Variants in CIZ1 observed in about 807,000 individuals in gnomAD.
The protein encoded by CIZ1 is CDKN1A interacting zinc finger protein 1, also known as cip1-interacting zinc finger protein.
In CIZ1, 58 loss-of-function variants were observed where a neutral mutation model predicts 118.6. The ratio of observed to expected loss-of-function variants is 0.49; its 90% CI spans 0.40 to 0.61. The LOEUF (loss-of-function observed/expected upper bound fraction) is 0.61. CIZ1 is among the 20% of genes least tolerant of loss of function. The pLI, the probability that CIZ1 is intolerant of heterozygous loss-of-function variation, is 0.00. For synonymous variants in CIZ1, 448 were observed against 443.4 expected, an observed-to-expected ratio of 1.01 and a Z score of -0.13; for missense variants, 921 against 1,115.9, an observed-to-expected ratio of 0.83 and a Z score of 2.49.
At chr9:128,169,238 T>C (rs777974558) in intron 13 of CIZ1, 37 bp from the exon 14 acceptor site, 1 of 1,607,868 alleles carries the variant, frequency 6.2e-7, no homozygotes, top group East Asian at 2.2e-5. Context: ...AGGTCAGCTC[T>C]GAACAGCCAG....
chr9:128,198,229 G>GCCCTTGTCCCATGTTCCTGGTC (rs1833424959), intron 1 of CIZ1: 1 of 152,352 alleles, frequency 6.6e-6, no homozygotes, highest in African/African-American at 2.4e-5. Flanking sequence ...TGTGCCAGGT[G>GCCCTTGTCCCATGTTCCTGGTC]CCCTTGTCCC....
chr9:128,188,226 GAT>G, intron 3 of CIZ1, among the ~76,000 whole-genome samples: 1 of 151,542 alleles, frequency 6.6e-6, no homozygotes, highest in South Asian at 2.1e-4. Flanking sequence ...TAACACAGAT[GAT>G]CAAATCCTAT....
At chr9:128,180,873 GC>G in intron 5 of CIZ1, 59 bp from the exon 6 acceptor site, 1 of 1,279,322 alleles carries the variant, frequency 7.8e-7, no homozygotes, top group Non-Finnish European at 1.1e-6. Context: ...ATACCCCCTT[GC>G]CCAAGGGCAG....
intron 11 of CIZ1, 150 bp downstream of exon 11, chr9:128,176,201 G>C: frequency 1.1e-6 from 1 of 913,718 alleles, no homozygotes; most frequent in Non-Finnish European, 1.7e-6. Flanking sequence ...GGAAAACTGA[G>C]GTTCAAGGTC....
intron 1 of CIZ1, among the ~76,000 whole-genome samples, chr9:128,202,051 T>G (rs749887054): frequency 1.3e-5 from 2 of 152,268 alleles, no homozygotes; most frequent in Non-Finnish European, 1.5e-5. Context: ...ATTGTCTGTC[T>G]TTTTCCACTG....
At chr9:128,169,263 C>T in intron 13 of CIZ1, 62 bp from the exon 14 acceptor site, 1 of 1,020,780 alleles carries the variant, frequency 9.8e-7, no homozygotes, top group Non-Finnish European at 1.4e-6. Flanking sequence ...CCATGCCCTA[C>T]CCACCCCACC....
chr9:128,168,342 C>T lies in CIZ1; in HGVS notation c.2295+710G>A, dbSNP rs1426917316. On this transcript the variant is annotated intron_variant, in intron 14 of 16. Coordinates refer to ENST00000372938, the MANE Select transcript of CIZ1 (RefSeq NM_001131016.2). ...ACCAGCCTGGCCAATATGGTGAAAC[C>T]CCGTCTCTACTAAAAATACAAAAAT... Among the ~76,000 whole-genome samples, 7 of 152,112 alleles carry T rather than the reference C, an allele frequency of 4.6e-5. No individual in the cohort carries two copies. The South Asian group carries it at 1.2e-3, about 27-fold the overall frequency.
chr9:128,178,612 G>C (rs1451959587), intron 8 of CIZ1, 97 bp downstream of exon 8: 1 of 1,581,670 alleles, frequency 6.3e-7, no homozygotes, highest in Non-Finnish European at 8.6e-7. Flanking sequence ...TCCAGGCCTA[G>C]CCCTCAGTCC....
intron 15 of CIZ1, 49 bp downstream of exon 15, chr9:128,167,046 G>A (rs1341355721): frequency 6.3e-7 from 1 of 1,578,038 alleles, no homozygotes; most frequent in South Asian, 1.1e-5. Flanking sequence ...GTGGAGGCTG[G>A]GCCCAAGGGC....
At chr9:128,186,939 CTTTT>C (rs549888043) in intron 4 of CIZ1, among the ~76,000 whole-genome samples, 3 of 134,470 alleles carry the variant, frequency 2.2e-5, no homozygotes, top group South Asian at 2.3e-4. Flanking sequence ...TCCTTGTCTG[CTTTT>C]TTTTTTTTTT....
rs371523069 is a variant in CIZ1 at position 128,170,127 on chromosome 9, G to T, written c.1944-20C>A. The T allele has an allele frequency of 4.4e-6, 7 of 1,606,336 alleles. No homozygotes were observed. Among genetic ancestry groups the T allele is most frequent in the Non-Finnish European group, 6.0e-6 (7 of 1,173,566 alleles). ...GGCTCCCTGAATGACAACAGTCAAA[G>T]CAAGTACAATGTGACGCCAGAAAGA... On this transcript the variant is annotated intron_variant, in intron 11 of 16. Transcript: ENST00000372938.
rs117653271 is a variant in CIZ1, at chr9:128,174,605, T to C, written c.1943+1746A>G. Among the ~76,000 whole-genome samples, 1,396 of 152,238 alleles carry C rather than the reference T, an allele frequency of 9.2e-3. 5 individuals carry two copies. Among genetic ancestry groups the C allele is most frequent in the Non-Finnish European group, 0.013 (897 of 68,020 alleles). On this transcript the variant is annotated intron_variant, in intron 11 of 16. Coordinates refer to ENST00000372938, the MANE Select transcript of CIZ1 (RefSeq NM_001131016.2). ...GATGCAGGAAGACAGTATTGATGTC[T>C]TTGTGTTGGGGACCAAGGTGAGGGG...
At chr9:128,194,502 T>C (rs1833328498), upstream of CIZ1, among the ~76,000 whole-genome samples, 2 of 152,052 alleles carry the variant, frequency 1.3e-5, no homozygotes, top group Non-Finnish European at 1.5e-5. Flanking sequence ...AATATTTATA[T>C]ATTTTTTCTT....
chr9:128,177,868 T>C lies in CIZ1; in HGVS notation c.1621-105A>G, dbSNP rs45567837. ...TTGTCTCATCAGATCTTCCTGATGA[T>C]AGGGAAACTGAGGCTCTGAGCTGTT... On this transcript the variant is annotated intron_variant, in intron 9 of 16. Coordinates refer to ENST00000372938, the MANE Select transcript of CIZ1 (RefSeq NM_001131016.2). 2.5e-3 allele frequency: 2,016 copies of C among 792,130 alleles called. 28 individuals carry two copies. The African/African-American group carries it at 0.032, about 12-fold the overall frequency. The allele number at this position is 792,130 out of a possible 1,614,324, so 49.1% of individuals were successfully genotyped here.
Position 128,166,453 on chromosome 9 carries a change from G to T in CIZ1, c.2488-47C>A. 6.4e-6 allele frequency: 9 copies of T among 1,397,282 alleles called. No homozygotes were observed. The highest frequency in any genetic ancestry group is 7.8e-6 in the Non-Finnish European group (8 of 1,031,488). The allele number at this position is 1,397,282 out of a possible 1,614,324, so 86.6% of individuals were successfully genotyped here. The stretch of plus-strand genomic sequence containing the variant: ...AAGGTCAGGGTCTCCTCCCTACATG[G>T]TATGCTCCTGGCCAGCAGCTACTTC... On this transcript the variant is annotated intron_variant, in intron 16 of 16. Coordinates refer to ENST00000372938, the MANE Select transcript of CIZ1 (RefSeq NM_001131016.2). This position sits in a 1 kb window ranked among gnomAD's most constrained non-coding sequence, Gnocchi z 4.4.
chr9:128,179,282 G>A lies in CIZ1; in HGVS notation c.925C>T (p.Pro309Ser). 1 of 1,614,130 alleles carries A rather than the reference G, an allele frequency of 6.2e-7. No homozygotes were observed. Among genetic ancestry groups the A allele is most frequent in the Non-Finnish European group, 8.5e-7 (1 of 1,180,030 alleles). ...LPEALEAQVL[P>S]RFQPRVLQVQ... is the part of the protein sequence containing the mutation. ...TGCAGGACCCGTGGCTGGAATCGTGGCAGCACTTGGGCTTCCAGGGCCTCA... is the reference window on the plus strand; with the variant it reads ...TGCAGGACCCGTGGCTGGAATCGTGACAGCACTTGGGCTTCCAGGGCCTCA... The change falls in exon 8 of 17, where the codon CCA becomes TCA. Residue 309 changes from proline (P) to serine (S), a missense_variant. Pro to Ser is a moderately conservative substitution (Grantham distance 74, BLOSUM62 -1). Transcript: ENST00000372938.
chr9:128,179,624 C>T (rs189211096), intron 7 of CIZ1, among the ~76,000 whole-genome samples: 118 of 152,174 alleles, frequency 7.8e-4, no homozygotes, highest in African/African-American at 2.8e-3. Flanking sequence ...TGAGCCACCG[C>T]GCCCAGCCCA....
rs1296681742 is a variant in CIZ1 at position 128,166,549 on chromosome 9, T to C, written c.2488-143A>G. The C allele has an allele frequency of 3.2e-6, 3 of 929,544 alleles. No individual in the cohort carries two copies. The highest frequency in any genetic ancestry group is 2.6e-5 in the East Asian group (1 of 37,838). 57.6% of individuals were successfully genotyped at this position (929,544 alleles called of 1,614,324 possible). ...TGATGCACTCGGCCTCTCTGGGCCG[T>C]CTCTGGAGCTAACAGCCTGGCACTC... On this transcript the variant is annotated intron_variant, in intron 16 of 16. Transcript: ENST00000372938. This position sits in a 1 kb window ranked among gnomAD's most constrained non-coding sequence, Gnocchi z 4.4.
chr9:128,190,121 G>T (rs1345813190), intron 3 of CIZ1, among the ~76,000 whole-genome samples: 2 of 152,208 alleles, frequency 1.3e-5, no homozygotes, highest in Non-Finnish European at 2.9e-5. Context: ...CATGGCCAAG[G>T]ACACACCTCT....
Sources: gnomAD v4.1 joint callset for allele counts (sites outside exome capture counted in the v4.1 genomes callset) on GRCh38, gnomAD v4.1.1 for gene constraint, Gnocchi (gnomAD v3.1) non-coding constraint, MANE v1.5 for transcripts, NCBI Gene and HGNC (gene_info 2026-07-23, HGNC 2026-07-21) for gene names.